Variants in CACNA1S observed in about 807,000 individuals in gnomAD.
CACNA1S encodes voltage-dependent L-type calcium channel subunit alpha-1S.
In CACNA1S, 126 loss-of-function variants were observed where a neutral mutation model predicts 207.4. The ratio of observed to expected loss-of-function variants is 0.61; its 90% CI spans 0.53 to 0.70. CACNA1S has a LOEUF of 0.70. Among genes scored for constraint, CACNA1S ranks in the 30% least tolerant of loss-of-function variants. The pLI is 0.00. For missense variants in CACNA1S, 2,349 were observed against 2,422.8 expected, an observed-to-expected ratio of 0.97 and a Z score of 0.64; for synonymous variants, 960 against 932.7, an observed-to-expected ratio of 1.03 and a Z score of -0.53.
At chr1:201,056,976 C>A (rs528818860) in intron 28 of CACNA1S, among the ~76,000 whole-genome samples, 1 of 152,352 alleles carries the variant, frequency 6.6e-6, no homozygotes, top group African/African-American at 2.4e-5. Flanking sequence ...TCGCCTCTCA[C>A]CTGGATCACT....
intron 1 of CACNA1S, among the ~76,000 whole-genome samples, chr1:201,111,320 C>T (rs967503363): frequency 1.5e-4 from 23 of 152,188 alleles, no homozygotes; most frequent in Admixed American, 6.5e-5. Flanking sequence ...TTCCAGAACT[C>T]TTCAGAAATA....
At chr1:201,090,691 A>G (rs1662192611) in intron 5 of CACNA1S, among the ~76,000 whole-genome samples, 1 of 152,148 alleles carries the variant, frequency 6.6e-6, no homozygotes, top group Admixed American at 6.5e-5. Context: ...TTTTCACAAT[A>G]CTGCTGAGAC....
chr1:201,093,240 T>G (rs1339565452), intron 3 of CACNA1S, among the ~76,000 whole-genome samples: 1 of 152,202 alleles, frequency 6.6e-6, no homozygotes, highest in South Asian at 2.1e-4. Context: ...ACGAAGTTGT[T>G]AGGGTGGGCC....
intron 10 of CACNA1S, among the ~76,000 whole-genome samples, chr1:201,082,825 GC>G (rs2102150948): frequency 6.6e-6 from 1 of 152,280 alleles, no homozygotes; most frequent in African/African-American, 2.4e-5. Context: ...CAAATTACTA[GC>G]AATTTTATGT....
At chr1:201,050,627 T>C (rs1035087319) in intron 33 of CACNA1S, 111 bp from the exon 34 acceptor site, 15 of 1,284,372 alleles carry the variant, frequency 1.2e-5, no homozygotes, top group Non-Finnish European at 1.7e-5. Flanking sequence ...TCCTGTGCCC[T>C]TGATTCTAGC....
chr1:201,039,727 A>T lies in CACNA1S; in HGVS notation c.*104T>A. 6.7e-7 allele frequency: 1 copy of T among 1,498,420 alleles called. No individual in the cohort carries two copies. 92.8% of individuals were successfully genotyped at this position (1,498,420 alleles called of 1,614,324 possible). ...TCAGGCCATGCATCTAGCTGCTGAG[A>T]GGGAGGGAGGCTGCTGCGGTGGGCT... is the stretch of plus-strand genomic sequence containing the variant. On this transcript the variant is annotated 3_prime_UTR_variant, in exon 44 of 44. Transcript: ENST00000362061.
intron 31 of CACNA1S, 119 bp from the exon 32 acceptor site, chr1:201,052,767 T>A: frequency 1.2e-6 from 1 of 829,520 alleles, no homozygotes; most frequent in Non-Finnish European, 2.1e-6. Flanking sequence ...AAAATTCCCT[T>A]CATTGCGGGC....
chr1:201,084,980 A>G lies in CACNA1S; in HGVS notation c.1202T>C (p.Ile401Thr). The change falls in exon 9 of 44, where the codon ATT becomes ACT. Residue 401 changes from isoleucine to threonine, a missense_variant. By Grantham distance (89) the Ile-to-Thr change is moderately conservative. Transcript: ENST00000362061. Reference sequence around the variant, plus strand: ...CTGGATGATTTTGTTCAAGCCTGCAATTTCATACAGGCTCTCTGTGTCAGA... The same window carrying G: ...CTGGATGATTTTGTTCAAGCCTGCAGTTTCATACAGGCTCTCTGTGTCAGA... Reference protein sequence around the residue: ...GGSDTESLYEIAGLNKIIQFI... With the variant: ...GGSDTESLYETAGLNKIIQFI... 1 of 1,612,900 alleles carries G rather than the reference A, an allele frequency of 6.2e-7. No individual in the cohort carries two copies. Among genetic ancestry groups the G allele is most frequent in the Non-Finnish European group, 8.5e-7 (1 of 1,179,862 alleles).
At chr1:201,075,679 C>A in intron 12 of CACNA1S, 64 bp from the exon 13 acceptor site, 2 of 1,559,820 alleles carry the variant, frequency 1.3e-6, no homozygotes, top group Non-Finnish European at 1.8e-6. Context: ...CTATTGGGAC[C>A]GCATTGACCG....
rs183195890 is a variant in CACNA1S at position 201,044,407 on chromosome 1, G to A, written c.4718C>T (p.Thr1573Met). ...CTCAGCAGCCAGGTCTCCTGAGACCGTGCGACAGATCTCGGGGGCTGCCTC... is the reference window on the plus strand; with the variant it reads ...CTCAGCAGCCAGGTCTCCTGAGACCATGCGACAGATCTCGGGGGCTGCCTC... ...EEEAAPEICR[T>M]VSGDLAAEEE... The change falls in exon 39 of 44, where the codon ACG becomes ATG. Residue 1573 changes from threonine to methionine, a missense_variant. Transcript: ENST00000362061. 680 of 1,613,570 alleles carry A rather than the reference G, an allele frequency of 4.2e-4. No homozygotes were observed. Among genetic ancestry groups the A allele is most frequent in the Admixed American group, 5.5e-4 (33 of 60,008 alleles).
chr1:201,103,244 CAA>C (rs1176886702), intron 2 of CACNA1S, among the ~76,000 whole-genome samples: 84 of 118,326 alleles, frequency 7.1e-4, no homozygotes, highest in Non-Finnish European at 7.2e-4. Flanking sequence ...GACTTGGTCT[CAA>C]AAAAAAAAAA....
At chr1:201,091,385 T>C (rs942528623) in intron 5 of CACNA1S, among the ~76,000 whole-genome samples, 1 of 144,876 alleles carries the variant, frequency 6.9e-6, no homozygotes, top group Non-Finnish European at 1.5e-5. Context: ...ACATACCACA[T>C]TGTATGTGGG....
chr1:201,040,797 T>C, intron 41 of CACNA1S, 84 bp from the exon 42 acceptor site: 5 of 1,026,484 alleles, frequency 4.9e-6, no homozygotes, highest in Non-Finnish European at 7.5e-6. Context: ...CTTGGCTGGC[T>C]AGCCACACTC....
chr1:201,054,307 G>A (rs1041260320), intron 29 of CACNA1S, among the ~76,000 whole-genome samples, 198 bp downstream of exon 29: 2 of 152,160 alleles, frequency 1.3e-5, no homozygotes, highest in Non-Finnish European at 2.9e-5. Flanking sequence ...TGAGGAAGCC[G>A]CTATATCCAT....
intron 34 of CACNA1S, 125 bp from the exon 35 acceptor site, chr1:201,049,224 T>C (rs778077558): frequency 4.3e-6 from 3 of 705,402 alleles, no homozygotes; most frequent in Admixed American, 4.3e-5. Context: ...ATTTTCCAAC[T>C]GTGTTTAGGA....
At position 201,110,154 on chromosome 1, in the gene CACNA1S, C is replaced by A. The variant is rs1293545532; in HGVS notation, c.258+10G>T. 1.9e-6 allele frequency: 3 copies of A among 1,612,570 alleles called. No individual in the cohort carries two copies. Among genetic ancestry groups the A allele is most frequent in the Non-Finnish European group, 2.5e-6 (3 of 1,178,568 alleles). ...GCTCGCAGGAAGGGAGATGGAAGGG[C>A]CAATCTTACCAGGCCGAGGTTCAGA... On this transcript the variant is annotated intron_variant, in intron 2 of 43. Coordinates refer to ENST00000362061, the MANE Select transcript of CACNA1S (RefSeq NM_000069.3).
chr1:201,106,099 T>G (rs1433824002), intron 2 of CACNA1S, among the ~76,000 whole-genome samples: 1 of 152,064 alleles, frequency 6.6e-6, no homozygotes, highest in Non-Finnish European at 1.5e-5. Flanking sequence ...TCTTGGTAAG[T>G]GATACTGCCA....
intron 16 of CACNA1S, among the ~76,000 whole-genome samples, chr1:201,071,816 T>C (rs1476939173): frequency 6.6e-6 from 1 of 152,250 alleles, no homozygotes; most frequent in Non-Finnish European, 1.5e-5. Context: ...GAAATTTCAT[T>C]ATTCTTATTT....
Position 201,110,173 on chromosome 1 carries a change from G to T in CACNA1S, c.249C>A (p.Asn83Lys), listed in dbSNP as rs1211791767. The change falls in exon 2 of 44, where the codon AAC becomes AAA. Residue 83 changes from asparagine (N) to lysine (K), a missense_variant. By Grantham distance (94) the Asn-to-Lys change is moderately conservative. Coordinates refer to ENST00000362061, the MANE Select transcript of CACNA1S (RefSeq NM_000069.3). ...PMPEDDNNSL[N>K]LGLEKLEYFF... ...GAAGGGCCAATCTTACCAGGCCGAG[G>T]TTCAGAGAGTTGTTGTCATCTTCCG... 6.2e-6 allele frequency: 10 copies of T among 1,614,088 alleles called. No homozygotes were observed. Among genetic ancestry groups the T allele is most frequent in the Admixed American group, 1.7e-5 (1 of 60,030 alleles).
Sources: allele counts gnomAD v4.1 joint callset (sites outside exome capture counted in the v4.1 genomes callset), GRCh38; gene constraint gnomAD v4.1.1; transcripts MANE v1.5; gene names NCBI Gene and HGNC (gene_info 2026-07-23, HGNC 2026-07-21).